CAMK2G: variants seen among roughly 807,000 people sequenced by gnomAD.
CAMK2G encodes the protein calcium/calmodulin dependent protein kinase II gamma.
In CAMK2G, 23 loss-of-function variants were observed where a neutral mutation model predicts 88.7. The ratio of observed to expected loss-of-function variants is 0.26; its 90% CI spans 0.19 to 0.37. CAMK2G has a LOEUF of 0.37. Among genes scored for constraint, CAMK2G ranks in the 10% least tolerant of loss-of-function variants. The pLI is 1.00. For synonymous variants in CAMK2G, 263 were observed against 294.8 expected (o/e 0.89, Z 1.11); for missense variants, 476 against 780.8 (o/e 0.61, Z 4.65).
At chr10:73,871,443 G>A (rs369238692) in intron 2 of CAMK2G, among the ~76,000 whole-genome samples, 2 of 152,212 alleles carry the variant, frequency 1.3e-5, no homozygotes, top group Non-Finnish European at 2.9e-5. Flanking sequence ...ACACTGGTGA[G>A]ATGAAGAGAG....
chr10:73,828,627 C>G (rs2091739282), intron 14 of CAMK2G, among the ~76,000 whole-genome samples: 3 of 152,194 alleles, frequency 2.0e-5, no homozygotes. Context: ...CCCTACTATG[C>G]TTTTTACATA....
At chr10:73,860,724 G>C in intron 3 of CAMK2G, 106 bp downstream of exon 3, 1 of 828,516 alleles carries the variant, frequency 1.2e-6, no homozygotes. Flanking sequence ...ACAGACACCA[G>C]GTGAAGGTCC....
chr10:73,826,768 C>A (rs994214533), intron 15 of CAMK2G, among the ~76,000 whole-genome samples: 1 of 152,182 alleles, frequency 6.6e-6, no homozygotes. Context: ...CAGAAAGCAT[C>A]CTGACTGTCC....
intron 14 of CAMK2G, among the ~76,000 whole-genome samples, chr10:73,829,119 C>A (rs945623764): frequency 6.6e-6 from 1 of 152,104 alleles, no homozygotes; most frequent in African/African-American, 2.4e-5. Flanking sequence ...TGCCCTCAAG[C>A]GGCCAGCATT....
chr10:73,815,350 C>T lies in CAMK2G; in HGVS notation c.1535-103G>A, dbSNP rs929407394. ...TCTTACCATCTCCCAAGCAACCACT[C>T]CCAGAATCTCCAAGTACCGCCCCCC... On this transcript the variant is annotated intron_variant, in intron 21 of 22. Coordinates refer to ENST00000423381, the MANE Select transcript of CAMK2G (RefSeq NM_001367534.1). The T allele has an allele frequency of 1.3e-5, 10 of 778,842 alleles. No homozygotes were observed. The African/African-American group carries it at 1.7e-4, about 13-fold the overall frequency. 48.2% of individuals were successfully genotyped at this position (778,842 alleles called of 1,614,324 possible). A position where few individuals can be genotyped will look rare whatever the true frequency, so the allele number is the denominator to read the frequency against.
In CAMK2G at chr10:73,852,239, G is replaced by A. The variant is rs549713656; in HGVS notation, c.341+15C>T. The A allele has an allele frequency of 2.6e-4, 413 of 1,608,476 alleles. 8 individuals are homozygous for A. The South Asian group carries it at 4.3e-3, about 17-fold the overall frequency. On this transcript the variant is annotated intron_variant, in intron 5 of 22. Transcript: ENST00000423381. The stretch of plus-strand genomic sequence containing the variant: ...ACTCCAGAGCTACATTTGAACTCTC[G>A]GGCCCTCATCCTACCTGGCATCTGC...
At chr10:73,835,463 A>AT (rs777685745) in intron 14 of CAMK2G, among the ~76,000 whole-genome samples, 455 of 140,002 alleles carry the variant, frequency 3.2e-3, no homozygotes, top group African/African-American at 6.2e-3. Context: ...TGCCCAGTTA[A>AT]TTTTTTTTTT....
intron 1 of CAMK2G, 189 bp from the exon 2 acceptor site, chr10:73,873,272 T>C (rs2095905934): frequency 2.5e-6 from 3 of 1,185,214 alleles, no homozygotes; most frequent in East Asian, 2.6e-5. Context: ...CGCAGGACAC[T>C]GAACAGATGT....
At chr10:73,854,468 C>T (rs561584230) in intron 3 of CAMK2G, among the ~76,000 whole-genome samples, 4 of 152,334 alleles carry the variant, frequency 2.6e-5, no homozygotes, top group East Asian at 3.9e-4. Context: ...CCTCCCCTCA[C>T]GTGAACTCTC....
rs1483706983 is a variant in CAMK2G, at chr10:73,815,134, C to T, written c.1648G>A (p.Gly550Arg). 4.3e-6 allele frequency: 7 copies of T among 1,614,218 alleles called. No individual in the cohort carries two copies. The highest frequency in any genetic ancestry group is 1.3e-5 in the African/African-American group (1 of 75,072). The part of the protein sequence containing the change: ...AYIRLTQYID[G>R]QGRPRTSQSE... ...TGGCTGGTGCGAGGCCGACCCTGCCCGTCGATGTACTGGGTGAGGCGGATG... is the reference window on the plus strand; with the variant it reads ...TGGCTGGTGCGAGGCCGACCCTGCCTGTCGATGTACTGGGTGAGGCGGATG... The change falls in exon 22 of 23, where the codon GGG (glycine) becomes AGG (arginine). Residue 550 changes from glycine (G) to arginine (R), a missense_variant. Around this residue, in one of 3 missense-constraint regions of CAMK2G, gnomAD observed 278 missense variants for 366.5 expected, o/e 0.76. Transcript: ENST00000423381.
intron 16 of CAMK2G, among the ~76,000 whole-genome samples, 198 bp from the exon 17 acceptor site, chr10:73,824,282 G>A (rs890529060): frequency 1.3e-5 from 2 of 152,218 alleles, no homozygotes; most frequent in African/African-American, 4.8e-5. Flanking sequence ...GATTTTGGCA[G>A]CAGCACTGGG....
intron 3 of CAMK2G, among the ~76,000 whole-genome samples, chr10:73,855,542 C>T (rs1281459847): frequency 2.0e-5 from 3 of 152,174 alleles, no homozygotes; most frequent in African/African-American, 2.4e-5. Context: ...CACCCCATGC[C>T]CCACACCACC....
At position 73,842,075 on chromosome 10, in the gene CAMK2G, C is replaced by T. The variant is rs907061239; in HGVS notation, c.946+94G>A. ...GCCCTGGTCAAGGTGTGGCCCAGGA[C>T]GCCGAGGAAACCCAGCGGTGCCCGG... On this transcript the variant is annotated intron_variant, in intron 12 of 22. Coordinates refer to ENST00000423381, the MANE Select transcript of CAMK2G (RefSeq NM_001367534.1). The surrounding 1 kb of genome is among the most constrained non-coding windows in gnomAD (Gnocchi z 4.6). 11 of 961,424 alleles carry T rather than the reference C, an allele frequency of 1.1e-5. No homozygotes were observed. Among genetic ancestry groups the T allele is most frequent in the South Asian group, 3.9e-5 (3 of 77,434 alleles). 59.6% of individuals were successfully genotyped at this position (961,424 alleles called of 1,614,324 possible).
At chr10:73,845,522 C>T (rs1202888726) in intron 10 of CAMK2G, among the ~76,000 whole-genome samples, 2 of 150,292 alleles carry the variant, frequency 1.3e-5, no homozygotes, top group Non-Finnish European at 3.0e-5. Context: ...GCAGAGCTTG[C>T]AGTGAGACCG....
chr10:73,827,958 C>T, intron 15 of CAMK2G, 131 bp downstream of exon 15: 1 of 816,004 alleles, frequency 1.2e-6, no homozygotes, highest in Non-Finnish European at 2.1e-6. Context: ...GGACAGGCCA[C>T]ACCTGCCCAC....
chr10:73,845,517 G>C (rs2094167696), intron 10 of CAMK2G, among the ~76,000 whole-genome samples: 1 of 151,294 alleles, frequency 6.6e-6, no homozygotes, highest in African/African-American at 2.4e-5. Context: ...GGGAGGCAGA[G>C]CTTGCAGTGA....
intron 9 of CAMK2G, 56 bp downstream of exon 9, chr10:73,847,932 G>T: frequency 1.1e-6 from 1 of 904,508 alleles, no homozygotes; most frequent in Non-Finnish European, 1.6e-6. Context: ...GACAGAGCCC[G>T]AGGAGCAAGG....
At chr10:73,861,032 T>C in intron 2 of CAMK2G, 143 bp from the exon 3 acceptor site, 1 of 662,656 alleles carries the variant, frequency 1.5e-6, no homozygotes, top group South Asian at 1.7e-5. Flanking sequence ...ATGGCAATCC[T>C]GGAGACAACT....
chr10:73,830,601 T>C (rs1305769386), intron 14 of CAMK2G, among the ~76,000 whole-genome samples: 1 of 152,264 alleles, frequency 6.6e-6, no homozygotes, highest in African/African-American at 2.4e-5. Context: ...TTCGTTTTTC[T>C]TGCTTGCTTT....
Sources: gnomAD v4.1 joint callset for allele counts (sites outside exome capture counted in the v4.1 genomes callset) on GRCh38, gnomAD v4.1.1 for gene constraint, gnomAD v4.1.1 regional missense constraint, Gnocchi (gnomAD v3.1) non-coding constraint, MANE v1.5 for transcripts, NCBI Gene and HGNC (gene_info 2026-07-23, HGNC 2026-07-21) for gene names.